Variants in CTNNA2 observed in about 807,000 individuals in gnomAD.
CTNNA2 encodes the protein catenin alpha-2.
Under a neutral mutation model 101.0 loss-of-function variants are expected in CTNNA2, and 42 were observed. The ratio of observed to expected loss-of-function variants is 0.42; its 90% confidence interval spans 0.32 to 0.54. CTNNA2 has a LOEUF of 0.54. Ranked by LOEUF, CTNNA2 falls within the 20% of genes least tolerant of loss-of-function variation. CTNNA2 has a pLI of 0.14. For synonymous variants in CTNNA2, 450 were observed against 456.4 expected (o/e 0.99, Z 0.18); for missense variants, 871 against 1,223.1 (o/e 0.71, Z 4.29).
Position 80,480,641 on chromosome 2 carries a change from T to C in CTNNA2, c.1290+61040T>C, listed in dbSNP as rs115679518. 4.1e-3 allele frequency among the ~76,000 whole-genome samples: 624 copies of C among 152,268 alleles called. 7 individuals carry two copies. Among genetic ancestry groups the C allele is most frequent in the African/African-American group, 0.014 (580 of 41,570 alleles). The stretch of plus-strand genomic sequence containing the variant: ...TTTTCAATCCAGGGCTTATGTGAGA[T>C]GTCTTTAATAATTCAGAACCTTTCC... On this transcript the variant is annotated intron_variant, in intron 9 of 18. Transcript: ENST00000402739.
intron 15 of CTNNA2, among the ~76,000 whole-genome samples, chr2:80,590,793 A>G (rs572349663): frequency 9.9e-5 from 15 of 152,268 alleles, no homozygotes; most frequent in Admixed American, 2.0e-4. Context: ...TTAGAAGTTC[A>G]TATTTGTACA....
chr2:80,327,265 T>C (rs1670895039), intron 7 of CTNNA2, among the ~76,000 whole-genome samples: 1 of 152,234 alleles, frequency 6.6e-6, no homozygotes, highest in African/African-American at 2.4e-5. Context: ...TCCTACAGAT[T>C]TGCAAACAGA....
intron 4 of CTNNA2, among the ~76,000 whole-genome samples, chr2:79,395,812 G>A (rs1678223473): frequency 6.6e-6 from 1 of 152,012 alleles, no homozygotes; most frequent in Admixed American, 6.6e-5. Flanking sequence ...TTTTAATTTT[G>A]ATTTTTTTCA....
chr2:80,106,832 G>C lies in CTNNA2; in HGVS notation c.1056+197035G>C, dbSNP rs905966479. Among the ~76,000 whole-genome samples, 51 of 152,238 alleles carry C rather than the reference G, an allele frequency of 3.4e-4. 1 individual carries two copies. Among genetic ancestry groups the C allele is most frequent in the African/African-American group, 1.2e-3 (48 of 41,552 alleles). On this transcript the variant is annotated intron_variant, in intron 7 of 18. Transcript: ENST00000402739. ...GATGAGGCCAGGATATTCACTGTCA[G>C]GTTATCCCAGGCATTCTAGTAGGAG...
intron 9 of CTNNA2, among the ~76,000 whole-genome samples, chr2:80,456,346 G>A (rs1002441467): frequency 2.0e-5 from 3 of 152,158 alleles, no homozygotes; most frequent in Non-Finnish European, 2.9e-5. Context: ...GTATTGCTGT[G>A]GCTTCTGTGT....
chr2:79,888,974 T>C (rs749880485), intron 6 of CTNNA2, among the ~76,000 whole-genome samples: 1 of 152,228 alleles, frequency 6.6e-6, no homozygotes, highest in Non-Finnish European at 1.5e-5. Flanking sequence ...ATGTGGTTTA[T>C]TTAAAATGTT....
intron 2 of CTNNA2, among the ~76,000 whole-genome samples, chr2:79,708,553 A>C (rs185029360): frequency 6.6e-6 from 1 of 152,196 alleles, no homozygotes; most frequent in Non-Finnish European, 1.5e-5. Flanking sequence ...AATTTAAAAA[A>C]CTACGAAATG....
chr2:80,138,464 T>C (rs1702817854), intron 7 of CTNNA2, among the ~76,000 whole-genome samples: 1 of 152,282 alleles, frequency 6.6e-6, no homozygotes, highest in African/African-American at 2.4e-5. Context: ...TTAATATACA[T>C]TAAGCATGGA....
Position 80,196,851 on chromosome 2 carries a change from G to A in CTNNA2, c.1057-196360G>A, listed in dbSNP as rs144882130. 1.4e-3 allele frequency among the ~76,000 whole-genome samples: 211 copies of A among 152,254 alleles called. 1 individual carries two copies. The highest frequency in any genetic ancestry group is 4.7e-3 in the African/African-American group (197 of 41,560). On this transcript the variant is annotated intron_variant, in intron 7 of 18. Coordinates refer to ENST00000402739, the MANE Select transcript of CTNNA2 (RefSeq NM_001282597.3). ...CATCTCTGCTCAAAACTACTCCAGT[G>A]GCTTTCCAGTGCATTAAACAGTTCT... is the stretch of plus-strand genomic sequence containing the variant.
intron 7 of CTNNA2, among the ~76,000 whole-genome samples, chr2:79,975,300 G>A (rs1690755214): frequency 6.6e-6 from 1 of 152,110 alleles, no homozygotes; most frequent in African/African-American, 2.4e-5. Flanking sequence ...ATGTATATGA[G>A]AGATGTAAGG....
intron 4 of CTNNA2, among the ~76,000 whole-genome samples, chr2:79,449,972 A>T (rs1391997090): frequency 6.6e-6 from 1 of 152,134 alleles, no homozygotes; most frequent in Non-Finnish European, 1.5e-5. Flanking sequence ...AGATATTTCT[A>T]TTCCAGTTTC....
intron 3 of CTNNA2, among the ~76,000 whole-genome samples, chr2:79,788,211 T>C (rs1280181123): frequency 6.6e-6 from 1 of 152,092 alleles, no homozygotes; most frequent in Non-Finnish European, 1.5e-5. Context: ...TTCTATATTT[T>C]AGAAAAATAA....
rs536248262 is a variant in CTNNA2 at position 80,062,951 on chromosome 2, T to C, written c.1056+153154T>C. 8.9e-3 allele frequency among the ~76,000 whole-genome samples: 1,362 copies of C among 152,264 alleles called. 20 individuals are homozygous for C. The highest frequency in any genetic ancestry group is 0.012 in the Non-Finnish European group (828 of 68,014). On this transcript the variant is annotated intron_variant, in intron 7 of 18. Transcript: ENST00000402739. ...CGATCTCCTGACCTCGTGATCCACC[T>C]GCCTCGGCCTCCCAAAGTGCTGGGA...
intron 3 of CTNNA2, among the ~76,000 whole-genome samples, chr2:79,796,649 A>C (rs1042135315): frequency 6.6e-5 from 10 of 152,204 alleles, no homozygotes; most frequent in Admixed American, 3.3e-4. Flanking sequence ...TGATGGTTAG[A>C]ATGGTTGCTT....
chr2:79,329,390 C>A (rs1413701412), intron 3 of CTNNA2, among the ~76,000 whole-genome samples: 1 of 152,106 alleles, frequency 6.6e-6, no homozygotes, highest in African/African-American at 2.4e-5. Context: ...ATGTAGAATA[C>A]AAATTACTTG....
At chr2:80,092,779 T>G (rs1358021304) in intron 7 of CTNNA2, among the ~76,000 whole-genome samples, 1 of 152,004 alleles carries the variant, frequency 6.6e-6, no homozygotes, top group Non-Finnish European at 1.5e-5. Context: ...CAGCTCCCAT[T>G]GCCATGACAG....
chr2:79,958,138 C>T (rs1689370560), intron 7 of CTNNA2, among the ~76,000 whole-genome samples: 1 of 152,206 alleles, frequency 6.6e-6, no homozygotes, highest in Admixed American at 6.5e-5. Context: ...TCCCAGATAT[C>T]ATCTCACCAG....
chr2:80,410,282 C>T (rs13413257), intron 8 of CTNNA2, among the ~76,000 whole-genome samples: 20,376 of 152,190 alleles, frequency 0.13, 3,876 homozygotes, highest in African/African-American at 0.42. Context: ...TATTCTTTCA[C>T]GACTGTGTGC....
chr2:80,330,222 A>T (rs1252038462), intron 7 of CTNNA2, among the ~76,000 whole-genome samples: 1 of 152,252 alleles, frequency 6.6e-6, no homozygotes, highest in Non-Finnish European at 1.5e-5. Context: ...GGTTTTACAT[A>T]TGTTCACTTT....
Sources: gnomAD v4.1 joint callset for allele counts (sites outside exome capture counted in the v4.1 genomes callset) on GRCh38, gnomAD v4.1.1 for gene constraint, MANE v1.5 for transcripts, NCBI Gene and HGNC (gene_info 2026-07-23, HGNC 2026-07-21) for gene names.